ADGRL3: variants seen among roughly 807,000 people sequenced by gnomAD.
ADGRL3 encodes calcium-independent alpha-latrotoxin receptor 3.
ADGRL3 carries 62 observed loss-of-function variants against 153.5 expected under a neutral mutation model. That is an observed-to-expected ratio of 0.40 (90% CI 0.33 to 0.50). The LOEUF is 0.50. Among genes scored for constraint, ADGRL3 ranks in the 20% least tolerant of loss-of-function variants. ADGRL3 has a pLI of 0.47. For synonymous variants in ADGRL3, 710 were observed against 672.5 expected (o/e 1.06, Z -0.86); for missense variants, 1,641 against 1,859.4 (o/e 0.88, Z 2.16).
intron 8 of ADGRL3, among the ~76,000 whole-genome samples, chr4:61,745,711 A>G (rs1293261054): frequency 1.3e-5 from 2 of 152,226 alleles, no homozygotes; most frequent in Admixed American, 1.3e-4. Context: ...TGAAGGAAGC[A>G]CTAAACATGG....
intron 5 of ADGRL3, among the ~76,000 whole-genome samples, chr4:61,603,090 T>A (rs1458728877): frequency 6.6e-6 from 1 of 152,194 alleles, no homozygotes; most frequent in Non-Finnish European, 1.5e-5. Flanking sequence ...GGGTTTATCC[T>A]TGTGAATATT....
At chr4:61,763,678 T>G (rs2152227903) in intron 8 of ADGRL3, among the ~76,000 whole-genome samples, 1 of 152,296 alleles carries the variant, frequency 6.6e-6, no homozygotes, top group Non-Finnish European at 1.5e-5. Flanking sequence ...AAATTTAAAT[T>G]ATGTTCAGTA....
chr4:61,653,201 CA>C (rs2094329297), intron 5 of ADGRL3, among the ~76,000 whole-genome samples: 2 of 150,660 alleles, frequency 1.3e-5, no homozygotes, highest in African/African-American at 4.9e-5. Flanking sequence ...CACACACACA[CA>C]CACACAGAGC....
intron 6 of ADGRL3, among the ~76,000 whole-genome samples, chr4:61,728,934 G>A (rs939489606): frequency 6.6e-6 from 1 of 151,900 alleles, no homozygotes; most frequent in Non-Finnish European, 1.5e-5. Context: ...TAGCCTATTC[G>A]AGACATACAG....
chr4:62,001,697 T>G (rs2151103315), intron 21 of ADGRL3, among the ~76,000 whole-genome samples: 1 of 152,304 alleles, frequency 6.6e-6, no homozygotes, highest in South Asian at 2.1e-4. Context: ...CTCTGTATAA[T>G]ATGTATTCAA....
At chr4:62,007,383 T>TATATATATAC (rs71213024) in intron 21 of ADGRL3, among the ~76,000 whole-genome samples, 7 of 30,768 alleles carry the variant, frequency 2.3e-4, no homozygotes, top group African/African-American at 7.5e-4. Flanking sequence ...TATATATATA[T>TATATATATAC]ACACACACAC....
chr4:61,759,111 C>T (rs1245484262), intron 8 of ADGRL3, among the ~76,000 whole-genome samples: 1 of 152,148 alleles, frequency 6.6e-6, no homozygotes, highest in Non-Finnish European at 1.5e-5. Flanking sequence ...CTGCCCTTAA[C>T]ATTTTTTCCT....
chr4:61,381,742 A>G (rs2096671204), intron 1 of ADGRL3, among the ~76,000 whole-genome samples: 1 of 152,040 alleles, frequency 6.6e-6, no homozygotes, highest in African/African-American at 2.4e-5. Context: ...GTTCTTCAAA[A>G]ACCAGGGAAA....
chr4:61,454,342 T>C (rs2097709380), intron 2 of ADGRL3, among the ~76,000 whole-genome samples: 1 of 152,172 alleles, frequency 6.6e-6, no homozygotes, highest in Non-Finnish European at 1.5e-5. Flanking sequence ...GTTTGGCTTG[T>C]TTTTTATTCC....
At chr4:61,998,611 T>C (rs150061209) in intron 21 of ADGRL3, among the ~76,000 whole-genome samples, 19 of 151,970 alleles carry the variant, frequency 1.3e-4, no homozygotes, top group African/African-American at 4.3e-4. Context: ...GTTTCGTTCT[T>C]GTTGCCCAGT....
At chr4:61,508,231 A>C (rs1232237836) in intron 3 of ADGRL3, among the ~76,000 whole-genome samples, 6 of 152,200 alleles carry the variant, frequency 3.9e-5, no homozygotes. Flanking sequence ...AATTTAGGCA[A>C]CGATTATAAT....
intron 5 of ADGRL3, among the ~76,000 whole-genome samples, chr4:61,619,528 C>G (rs1406842916): frequency 6.6e-6 from 1 of 151,350 alleles, no homozygotes; most frequent in East Asian, 1.9e-4. Flanking sequence ...CACACACACA[C>G]ACACACACAC....
chr4:61,312,842 C>A (rs536652528), intron 1 of ADGRL3, among the ~76,000 whole-genome samples: 3 of 152,258 alleles, frequency 2.0e-5, no homozygotes, highest in South Asian at 4.1e-4. Context: ...AATACTCTTA[C>A]CATACTATTC....
chr4:61,468,391 G>C (rs759297196), intron 2 of ADGRL3, among the ~76,000 whole-genome samples: 2 of 152,128 alleles, frequency 1.3e-5, no homozygotes, highest in Non-Finnish European at 2.9e-5. Flanking sequence ...GATGGCTAGA[G>C]AAGGATCTCT....
rs557736794 is a variant in ADGRL3 at position 61,664,554 on chromosome 4, A to G, written c.474-12272A>G. 2.6e-5 allele frequency among the ~76,000 whole-genome samples: 4 copies of G among 152,206 alleles called. No homozygotes were observed. In the East Asian group the frequency reaches 7.8e-4, roughly 30 times the overall value. On this transcript the variant is annotated intron_variant, in intron 5 of 26. Transcript: ENST00000683033. ...TAATTTTTTCATTTTAAATTTCAAT[A>G]TGGATTTTCTTTTTAGGTCAATAAA...
intron 13 of ADGRL3, among the ~76,000 whole-genome samples, chr4:61,929,786 A>G (rs894256680): frequency 5.9e-5 from 9 of 152,052 alleles, no homozygotes; most frequent in African/African-American, 2.2e-4. Context: ...GGATGGGGGG[A>G]TTCCCCTCCC....
chr4:61,435,785 C>T (rs1206307066), intron 2 of ADGRL3, among the ~76,000 whole-genome samples: 1 of 152,050 alleles, frequency 6.6e-6, no homozygotes, highest in Non-Finnish European at 1.5e-5. Context: ...AATCTCATTA[C>T]TTCTCTGCTT....
intron 11 of ADGRL3, among the ~76,000 whole-genome samples, chr4:61,908,874 T>G (rs1291484177): frequency 1.3e-5 from 2 of 152,190 alleles, no homozygotes; most frequent in Admixed American, 1.3e-4. Context: ...CTATCAAATT[T>G]GTTCTAGTGA....
At chr4:61,403,632 A>G (rs572443727) in intron 2 of ADGRL3, among the ~76,000 whole-genome samples, 1 of 152,140 alleles carries the variant, frequency 6.6e-6, no homozygotes, top group South Asian at 2.1e-4. Context: ...ATTTTAACAA[A>G]TTATTGAACC....
Sources: gnomAD v4.1 joint callset for allele counts (sites outside exome capture counted in the v4.1 genomes callset) on GRCh38, gnomAD v4.1.1 for gene constraint, MANE v1.5 for transcripts, NCBI Gene and HGNC (gene_info 2026-07-23, HGNC 2026-07-21) for gene names.